The following GEMIN5 variants were observed in gnomAD, a reference collection of about 807,000 sequenced individuals.
GEMIN5 encodes gem nuclear organelle associated protein 5.
Under a neutral mutation model 176.9 loss-of-function variants are expected in GEMIN5, and 124 were observed. That is an observed-to-expected ratio of 0.70 (90% confidence interval 0.61 to 0.81). The LOEUF is 0.81. GEMIN5 is among the 40% of genes least tolerant of loss of function. The pLI is 0.00. For synonymous variants in GEMIN5, 673 were observed against 665.2 expected (o/e 1.01, Z -0.18); for missense variants, 1,843 against 1,814.6 (o/e 1.02, Z -0.28).
chr5:154,917,067 A>G lies in GEMIN5; in HGVS notation c.1786T>C (p.Leu596=), dbSNP rs1561721505. The change falls in exon 13 of 28, where the codon TTG becomes CTG. Residue 596 remains leucine (L), a synonymous_variant. Coordinates refer to ENST00000285873, the MANE Select transcript of GEMIN5 (RefSeq NM_015465.5). Reference sequence around the variant, plus strand: ...GAGCCAGAGGCCATCAGATAGCTCAATTCTGGCTGGCTGCCATGCTCATGA... The same window carrying G: ...GAGCCAGAGGCCATCAGATAGCTCAGTTCTGGCTGGCTGCCATGCTCATGA... ...WHHEHGSQPE[L]SYLMASGSNN... 3 of 1,610,000 alleles carry G rather than the reference A, an allele frequency of 1.9e-6. No homozygotes were observed. The highest frequency in any genetic ancestry group is 1.7e-6 in the Non-Finnish European group (2 of 1,176,840).
chr5:154,918,955 CACT>C (rs1292720734), intron 11 of GEMIN5, among the ~76,000 whole-genome samples: 2 of 152,056 alleles, frequency 1.3e-5, no homozygotes, highest in African/African-American at 4.8e-5. Flanking sequence ...ACATGAGAAT[CACT>C]TGATTCCAGG....
Position 154,931,520 on chromosome 5 carries a change from C to G in GEMIN5, c.719G>C (p.Cys240Ser), listed in dbSNP as rs201813556. The G allele has an allele frequency of 1.2e-6, 2 of 1,612,814 alleles. No homozygotes were observed. Among genetic ancestry groups the G allele is most frequent in the East Asian group, 4.5e-5 (2 of 44,854 alleles). The change falls in exon 5 of 28, where the codon TGC becomes TCC. Residue 240 changes from cysteine to serine, a missense_variant. Cys to Ser is a moderately radical substitution (Grantham distance 112). Transcript: ENST00000285873. The stretch of plus-strand genomic sequence containing the variant: ...ATCTTTGCTTCCAGTGGCTAAGTAG[C>G]AACCTTTTGTTACTGGAGCTTGTGC... ...AVAQAPVTKG[C>S]YLATGSKDQT... is the part of the protein sequence containing the mutation.
chr5:154,937,016 C>G lies in GEMIN5; in HGVS notation c.327+9G>C. 6.2e-7 allele frequency: 1 copy of G among 1,605,574 alleles called. No individual in the cohort carries two copies. Among genetic ancestry groups the G allele is most frequent in the South Asian group, 1.1e-5 (1 of 90,414 alleles). The stretch of plus-strand genomic sequence containing the variant: ...AAAAACGGTTTGAGAAACCAGTAAG[C>G]CATGGTACCTGATGGAGTGCATGTT... On this transcript the variant is annotated intron_variant, in intron 2 of 27. Transcript: ENST00000285873.
At chr5:154,928,921 TTAAGAG>T (rs1158706678) in intron 5 of GEMIN5, among the ~76,000 whole-genome samples, 1 of 152,056 alleles carries the variant, frequency 6.6e-6, no homozygotes, top group African/African-American at 2.4e-5. Context: ...CCTCAACGTA[TTAAGAG>T]TATTTTTTTT....
intron 16 of GEMIN5, among the ~76,000 whole-genome samples, 198 bp from the exon 17 acceptor site, chr5:154,905,674 C>G (rs1194296946): frequency 6.6e-6 from 1 of 151,234 alleles, no homozygotes; most frequent in African/African-American, 2.4e-5. Context: ...TAGCTGTTTT[C>G]AGGAATCTGT....
intron 9 of GEMIN5, among the ~76,000 whole-genome samples, 169 bp from the exon 10 acceptor site, chr5:154,921,594 TTATCA>T (rs1763923337): frequency 6.6e-6 from 1 of 152,200 alleles, no homozygotes; most frequent in East Asian, 1.9e-4. Flanking sequence ...AAGCAGTTAA[TTATCA>T]TATAATATTT....
intron 11 of GEMIN5, 86 bp downstream of exon 11, chr5:154,919,881 C>T: frequency 1.7e-6 from 2 of 1,164,742 alleles, no homozygotes; most frequent in Non-Finnish European, 2.5e-6. Context: ...TGGTAATCTC[C>T]AATAACAGCA....
chr5:154,890,064 G>T (rs1207199396), intron 26 of GEMIN5, among the ~76,000 whole-genome samples: 1 of 152,226 alleles, frequency 6.6e-6, no homozygotes, highest in Non-Finnish European at 1.5e-5. Context: ...CACAGTGGCT[G>T]CATCATTTTA....
chr5:154,928,585 A>G lies in GEMIN5; in HGVS notation c.856T>C (p.Trp286Arg). 1 of 1,614,082 alleles carries G rather than the reference A, an allele frequency of 6.2e-7. No homozygotes were observed. Among genetic ancestry groups the G allele is most frequent in the Non-Finnish European group, 8.5e-7 (1 of 1,179,908 alleles). Reference protein sequence around the residue: ...GIDPTVKERLWLTLHWPSNQP... With the variant: ...GIDPTVKERLRLTLHWPSNQP... Reference sequence around the variant, plus strand: ...TTGCTGGGCCAATGGAGTGTCAACCAAAGGCGCTCTTTAACAGTTGGGTCT... The same window carrying G: ...TTGCTGGGCCAATGGAGTGTCAACCGAAGGCGCTCTTTAACAGTTGGGTCT... Residue 286 changes from tryptophan to arginine, a missense_variant, in exon 6 of 28, where the codon TGG (tryptophan) becomes CGG (arginine). By Grantham distance (101) the Trp-to-Arg change is moderately radical. Transcript: ENST00000285873.
rs752659948 is a variant in GEMIN5, at chr5:154,929,664, AC to A, written c.782-1006del. Among the ~76,000 whole-genome samples, 4 of 152,318 alleles carry A rather than the reference AC, an allele frequency of 2.6e-5. No homozygotes were observed. The South Asian group carries it at 8.3e-4, about 32-fold the overall frequency. ...CCAGACACCTCTAAGTCTAGAGGTT[AC>A]CCTCCTGGAGGGATCCTCAGCCTTA... On this transcript the variant is annotated intron_variant, in intron 5 of 27. Coordinates refer to ENST00000285873, the MANE Select transcript of GEMIN5 (RefSeq NM_015465.5).
At chr5:154,931,106 A>G (rs1338743550) in intron 5 of GEMIN5, among the ~76,000 whole-genome samples, 1 of 152,256 alleles carries the variant, frequency 6.6e-6, no homozygotes, top group African/African-American at 2.4e-5. Context: ...TTTGTGCATT[A>G]AAAGCTCTAA....
chr5:154,916,931 C>G, intron 13 of GEMIN5, 67 bp downstream of exon 13: 1 of 820,860 alleles, frequency 1.2e-6, no homozygotes, highest in South Asian at 3.5e-5. Flanking sequence ...TAAAAAGTAA[C>G]AAAGATTAGA....
At position 154,937,050 on chromosome 5, in the gene GEMIN5, AC is replaced by A; in HGVS notation, c.301del (p.Val101LeufsTer2). 1 of 1,613,724 alleles carries A rather than the reference AC, an allele frequency of 6.2e-7. No homozygotes were observed. The highest frequency in any genetic ancestry group is 8.5e-7 in the Non-Finnish European group (1 of 1,179,776). On this transcript the variant is annotated frameshift_variant, in exon 2 of 28. Transcript: ENST00000285873. LOFTEE classifies it high-confidence loss of function. Reference sequence around the variant, plus strand: ...CTGATGGAGTGCATGTTCTGTCACAACTGTTTTTGTCTCTACATCCCATATT... The same window carrying A: ...CTGATGGAGTGCATGTTCTGTCACAATGTTTTTGTCTCTACATCCCATATT... ...VKIWDVETKTVVTEHALHQHT... is the reference protein window; with the variant it reads ...VKIWDVETKTXVTEHALHQHT...
At chr5:154,913,142 C>T (rs566330181) in intron 13 of GEMIN5, 104 bp from the exon 14 acceptor site, 2 of 993,514 alleles carry the variant, frequency 2.0e-6, no homozygotes, top group South Asian at 1.7e-5. Flanking sequence ...AAGATTTTGC[C>T]ATACACTTTC....
At position 154,931,572 on chromosome 5, in the gene GEMIN5, C is replaced by T. The variant is rs754889124; in HGVS notation, c.667G>A (p.Ala223Thr). The T allele has an allele frequency of 6.3e-7, 1 of 1,598,570 alleles. No individual in the cohort carries two copies. Among genetic ancestry groups the T allele is most frequent in the Admixed American group, 1.7e-5 (1 of 58,732 alleles). The change falls in exon 5 of 28, where the codon GCT becomes ACT. Residue 223 changes from alanine to threonine, a missense_variant. Coordinates refer to ENST00000285873, the MANE Select transcript of GEMIN5 (RefSeq NM_015465.5). ...SINQEETSEEAEITNGNAVAQ... is the reference protein window; with the variant it reads ...SINQEETSEETEITNGNAVAQ... ...ACAGCATTCCCGTTGGTAATTTCAG[C>T]TTCTTCTATGAGATAGGTGGCAATT...
intron 8 of GEMIN5, among the ~76,000 whole-genome samples, 193 bp downstream of exon 8, chr5:154,925,669 A>C (rs1764014481): frequency 6.6e-6 from 1 of 152,230 alleles, no homozygotes; most frequent in Non-Finnish European, 1.5e-5. Flanking sequence ...AGATGAACAG[A>C]GCCTTAATAA....
At chr5:154,930,375 C>T (rs1416024099) in intron 5 of GEMIN5, among the ~76,000 whole-genome samples, 7 of 152,134 alleles carry the variant, frequency 4.6e-5, no homozygotes, top group Non-Finnish European at 8.8e-5. Flanking sequence ...AAGTACATTG[C>T]CTTGCTGAGA....
chr5:154,936,667 T>C (rs553220089), intron 2 of GEMIN5, among the ~76,000 whole-genome samples: 1 of 152,310 alleles, frequency 6.6e-6, no homozygotes, highest in East Asian at 1.9e-4. Context: ...AGGAGTCCAT[T>C]TGTATCAATA....
Position 154,918,005 on chromosome 5 carries a change from C to A in GEMIN5, c.1600-1G>T. 1 of 1,604,314 alleles carries A rather than the reference C, an allele frequency of 6.2e-7. No individual in the cohort carries two copies. The highest frequency in any genetic ancestry group is 8.5e-7 in the Non-Finnish European group (1 of 1,171,526). On this transcript the variant is annotated splice_acceptor_variant, in intron 11 of 27. Transcript: ENST00000285873. LOFTEE classifies it high-confidence loss of function. ...TCTCTGTGTGTACAGGCAATTTGTACTAGAAAGCAAAACAAACCAATCTTG... is the reference window on the plus strand; with the variant it reads ...TCTCTGTGTGTACAGGCAATTTGTAATAGAAAGCAAAACAAACCAATCTTG...
Sources: gnomAD v4.1 joint callset for allele counts (sites outside exome capture counted in the v4.1 genomes callset) on GRCh38, gnomAD v4.1.1 for gene constraint, MANE v1.5 for transcripts, NCBI Gene and HGNC (gene_info 2026-07-23, HGNC 2026-07-21) for gene names.